Variants in PDE7B observed in about 807,000 individuals in gnomAD.
The protein encoded by PDE7B is phosphodiesterase 7B.
Under a neutral mutation model 56.2 loss-of-function variants are expected in PDE7B, and 29 were observed. That is an observed-to-expected ratio of 0.52 (90% CI 0.38 to 0.70). The LOEUF is 0.70. Among genes scored for constraint, PDE7B ranks in the 30% least tolerant of loss-of-function variants. The probability of loss-of-function intolerance (pLI) is 0.00; values close to 1 mark genes in which losing one functional copy is unlikely to be tolerated. For synonymous variants in PDE7B, 197 were observed against 196.9 expected, an observed-to-expected ratio of 1.00 and a Z score of 0.00; for missense variants, 490 against 565.0, an observed-to-expected ratio of 0.87 and a Z score of 1.35.
intron 1 of PDE7B, among the ~76,000 whole-genome samples, chr6:135,916,337 T>G (rs1011790561): frequency 6.6e-5 from 10 of 151,952 alleles, no homozygotes; most frequent in Non-Finnish European, 1.5e-4. Context: ...TATTCCTTTG[T>G]GAAGTGTATC....
At position 136,158,336 on chromosome 6, in the gene PDE7B, T is replaced by C. The variant is rs369088769; in HGVS notation, c.711+2578T>C. ...CTGAAAATGTTAAGAACCATGGTAA[T>C]GAATGAAAAAAATATATGTACATAT... On this transcript the variant is annotated intron_variant, in intron 8 of 12. Transcript: ENST00000308191. Among the ~76,000 whole-genome samples the C allele has an allele frequency of 4.1e-4, 62 of 152,242 alleles. No individual in the cohort carries two copies. In the East Asian group the frequency reaches 9.5e-3, roughly 23 times the overall value.
At chr6:136,042,877 A>C (rs2128210114) in intron 2 of PDE7B, among the ~76,000 whole-genome samples, 1 of 152,354 alleles carries the variant, frequency 6.6e-6, no homozygotes, top group Non-Finnish European at 1.5e-5. Context: ...TCAGAGATGA[A>C]TCAAAAGCTT....
chr6:136,186,274 A>C (rs1779143537), intron 11 of PDE7B, among the ~76,000 whole-genome samples: 1 of 151,962 alleles, frequency 6.6e-6, no homozygotes, highest in Admixed American at 6.5e-5. Flanking sequence ...ATTTAAAAAT[A>C]TACATTAGCC....
chr6:135,987,780 A>C (rs1775407746), intron 2 of PDE7B, among the ~76,000 whole-genome samples: 1 of 152,182 alleles, frequency 6.6e-6, no homozygotes. Context: ...TCACTAATAA[A>C]TACATGAGAA....
At chr6:136,080,340 A>G (rs982370301) in intron 2 of PDE7B, among the ~76,000 whole-genome samples, 9 of 152,342 alleles carry the variant, frequency 5.9e-5, no homozygotes, top group South Asian at 2.1e-4. Context: ...AAGTTTGGCA[A>G]TGAGAACAAA....
chr6:136,107,317 G>GGAATT (rs1777662675), intron 2 of PDE7B, among the ~76,000 whole-genome samples: 1 of 152,054 alleles, frequency 6.6e-6, no homozygotes, highest in Non-Finnish European at 1.5e-5. Flanking sequence ...CATTACTACT[G>GGAATT]GAATTGAAAC....
At chr6:136,164,447 T>C (rs1293046418) in intron 8 of PDE7B, among the ~76,000 whole-genome samples, 1 of 151,992 alleles carries the variant, frequency 6.6e-6, no homozygotes, top group Non-Finnish European at 1.5e-5. Flanking sequence ...TCAAGAGCAA[T>C]TAAAAATATT....
chr6:135,903,670 G>A (rs1157195648), intron 1 of PDE7B, among the ~76,000 whole-genome samples: 2 of 152,168 alleles, frequency 1.3e-5, no homozygotes, highest in Non-Finnish European at 2.9e-5. Flanking sequence ...TAATTCCAAT[G>A]AATAGCACAC....
At chr6:136,105,970 G>A (rs1777638849) in intron 2 of PDE7B, among the ~76,000 whole-genome samples, 1 of 152,166 alleles carries the variant, frequency 6.6e-6, no homozygotes, top group African/African-American at 2.4e-5. Flanking sequence ...GCTGGAAGGA[G>A]CCCATGAGAT....
chr6:136,183,290 CTTG>C (rs1282398180), intron 11 of PDE7B, among the ~76,000 whole-genome samples: 3 of 151,816 alleles, frequency 2.0e-5, no homozygotes, highest in Non-Finnish European at 4.4e-5. Context: ...AGAAATTCTG[CTTG>C]TTTTAAGAGA....
chr6:136,045,256 C>T (rs1281666264), intron 2 of PDE7B, among the ~76,000 whole-genome samples: 1 of 152,120 alleles, frequency 6.6e-6, no homozygotes, highest in Admixed American at 6.5e-5. Context: ...GAACTTTATA[C>T]TTCATTTTCC....
At chr6:136,007,982 C>A (rs943882711) in intron 2 of PDE7B, among the ~76,000 whole-genome samples, 13 of 151,380 alleles carry the variant, frequency 8.6e-5, no homozygotes, top group Non-Finnish European at 1.9e-4. Flanking sequence ...ATCCCTCCCC[C>A]ATCCCCCCAC....
At chr6:136,101,005 G>A (rs537141149) in intron 2 of PDE7B, among the ~76,000 whole-genome samples, 1 of 152,290 alleles carries the variant, frequency 6.6e-6, no homozygotes, top group Non-Finnish European at 1.5e-5. Flanking sequence ...GGCCTTTTCT[G>A]CATCTATTGA....
At chr6:136,085,605 T>C (rs957607570) in intron 2 of PDE7B, among the ~76,000 whole-genome samples, 1 of 152,174 alleles carries the variant, frequency 6.6e-6, no homozygotes, top group Non-Finnish European at 1.5e-5. Flanking sequence ...CAGGCAGATA[T>C]GGAAATCTTG....
chr6:136,136,758 G>GA (rs113988168), intron 3 of PDE7B, among the ~76,000 whole-genome samples: 1,475 of 127,114 alleles, frequency 0.012, 6 homozygotes, highest in Admixed American at 0.021. Flanking sequence ...AATAAATAAT[G>GA]AAAAAAAAAA....
At chr6:135,962,138 A>C (rs777359120) in intron 2 of PDE7B, among the ~76,000 whole-genome samples, 2 of 152,190 alleles carry the variant, frequency 1.3e-5, no homozygotes, top group Non-Finnish European at 2.9e-5. Context: ...TTTTGCCCTA[A>C]AAAAACCAAA....
intron 8 of PDE7B, among the ~76,000 whole-genome samples, chr6:136,163,155 C>T (rs1022237959): frequency 6.6e-6 from 1 of 152,226 alleles, no homozygotes; most frequent in Non-Finnish European, 1.5e-5. Flanking sequence ...TTCTGCACTG[C>T]CCTAGCAGAG....
At chr6:135,937,007 G>T (rs1445881830) in intron 1 of PDE7B, among the ~76,000 whole-genome samples, 1 of 152,208 alleles carries the variant, frequency 6.6e-6, no homozygotes, top group Middle Eastern at 3.2e-3. Flanking sequence ...TCAGAGTGAG[G>T]AGGGCCTCTG....
At chr6:135,896,387 G>A (rs377472088) in intron 1 of PDE7B, among the ~76,000 whole-genome samples, 10 of 152,050 alleles carry the variant, frequency 6.6e-5, no homozygotes, top group East Asian at 5.8e-4. Flanking sequence ...GCCTAGGATT[G>A]GCCTGATCAA....
Sources: allele counts gnomAD v4.1 joint callset (sites outside exome capture counted in the v4.1 genomes callset), GRCh38; gene constraint gnomAD v4.1.1; transcripts MANE v1.5; gene names NCBI Gene and HGNC (gene_info 2026-07-23, HGNC 2026-07-21).